ZPBP: variants seen among roughly 807,000 people sequenced by gnomAD.
The protein encoded by ZPBP is zona pellucida binding protein.
ZPBP carries 26 observed loss-of-function variants against 44.8 expected under a neutral mutation model. That is an observed-to-expected ratio of 0.58 (90% CI 0.43 to 0.81). ZPBP has a LOEUF of 0.81. Ranked by LOEUF, ZPBP falls within the 30% of genes least tolerant of loss-of-function variation. The pLI, the probability that ZPBP is intolerant of heterozygous loss-of-function variation, is 0.00. For synonymous variants in ZPBP, 174 were observed against 153.2 expected, an observed-to-expected ratio of 1.14 and a Z score of -1.00; for missense variants, 409 against 434.0, an observed-to-expected ratio of 0.94 and a Z score of 0.51.
intron 4 of ZPBP, among the ~76,000 whole-genome samples, chr7:50,054,552 A>G (rs917982497): frequency 4.6e-5 from 7 of 152,082 alleles, no homozygotes; most frequent in African/African-American, 1.7e-4. Context: ...AAAACCGATA[A>G]CAATTCTTGA....
intron 4 of ZPBP, among the ~76,000 whole-genome samples, chr7:50,057,073 T>C (rs1215959042): frequency 5.3e-5 from 8 of 151,396 alleles, no homozygotes; most frequent in Admixed American, 2.6e-4. Flanking sequence ...TAGTCCCAGC[T>C]AGTCGGGAAG....
intron 2 of ZPBP, among the ~76,000 whole-genome samples, chr7:49,888,890 G>T (rs969652618): frequency 3.9e-5 from 6 of 151,906 alleles, no homozygotes; most frequent in African/African-American, 1.5e-4. Flanking sequence ...TAGCCTGGGG[G>T]ACAAGAGCGA....
chr7:49,980,273 ATAAT>A (rs1254099079), intron 7 of ZPBP, among the ~76,000 whole-genome samples: 3 of 95,492 alleles, frequency 3.1e-5, no homozygotes, highest in African/African-American at 1.1e-4. Context: ...ATATAAATAT[ATAAT>A]ATATATAATA....
At chr7:50,067,033 T>C (rs184320982) in intron 3 of ZPBP, among the ~76,000 whole-genome samples, 7 of 152,332 alleles carry the variant, frequency 4.6e-5, no homozygotes, top group East Asian at 1.9e-4. Context: ...GCCTATCTTA[T>C]ATGGGTCCTA....
chr7:50,034,482 C>T (rs931355344), intron 4 of ZPBP, among the ~76,000 whole-genome samples: 2 of 152,188 alleles, frequency 1.3e-5, no homozygotes, highest in African/African-American at 4.8e-5. Context: ...CCCATCCCAA[C>T]TGAAATGTTT....
At chr7:49,919,068 A>AT (rs1177863735) in intron 1 of ZPBP, 2 of 151,308 alleles carry the variant, frequency 1.3e-5, no homozygotes, top group Non-Finnish European at 2.9e-5. Context: ...AAAAAAAAAA[A>AT]ATCAGTGATG....
intron 4 of ZPBP, among the ~76,000 whole-genome samples, 176 bp downstream of exon 4, chr7:50,057,813 A>G (rs1801038540): frequency 6.6e-6 from 1 of 152,198 alleles, no homozygotes; most frequent in Non-Finnish European, 1.5e-5. Context: ...TCTGTTAACC[A>G]TTCTGTGCCC....
In ZPBP at chr7:49,981,630, T is replaced by TATA. The variant is rs1350451565; in HGVS notation, c.961+1711_961+1712insTAT. 6.4e-3 allele frequency among the ~76,000 whole-genome samples: 292 copies of TATA among 45,828 alleles called. 48 individuals carry two copies. Among genetic ancestry groups the TATA allele is most frequent in the African/African-American group, 0.015 (98 of 6,716 alleles). 30.1% of individuals were successfully genotyped at this position (45,828 alleles called of 152,430 possible). On this transcript the variant is annotated intron_variant, in intron 7 of 7. Coordinates refer to ENST00000046087, the MANE Select transcript of ZPBP (RefSeq NM_007009.3). Reference sequence around the variant, plus strand: ...TATATAATTATATTATATTATATTATATTATATATTATATAATATCTTGAT... The same window carrying TATA: ...TATATAATTATATTATATTATATTATATAATTATATATTATATAATATCTTGAT...
chr7:50,033,332 A>G (rs1267004693), intron 4 of ZPBP, among the ~76,000 whole-genome samples: 1 of 152,142 alleles, frequency 6.6e-6, no homozygotes, highest in Non-Finnish European at 1.5e-5. Flanking sequence ...GCGATGTCAC[A>G]TTTTCAGGTA....
chr7:49,913,669 T>C (rs1284589915), intron 1 of ZPBP: 3 of 152,206 alleles, frequency 2.0e-5, no homozygotes, highest in South Asian at 2.1e-4. Flanking sequence ...ATAAGAAGTA[T>C]ATGAAATCAT....
chr7:50,019,381 T>TA (rs1363423910), intron 5 of ZPBP, among the ~76,000 whole-genome samples: 1 of 152,132 alleles, frequency 6.6e-6, no homozygotes, highest in Non-Finnish European at 1.5e-5. Flanking sequence ...TGGGCCTCCT[T>TA]AAGTGTTCAT....
chr7:49,886,628 G>A (rs1791913537), intron 2 of ZPBP, among the ~76,000 whole-genome samples: 1 of 152,022 alleles, frequency 6.6e-6, no homozygotes, highest in South Asian at 2.1e-4. Context: ...TTAGGTTCAG[G>A]GGTACATGGG....
chr7:49,953,832 T>C (rs1162389351), intron 7 of ZPBP, among the ~76,000 whole-genome samples: 1 of 152,130 alleles, frequency 6.6e-6, no homozygotes, highest in African/African-American at 2.4e-5. Context: ...TAAATAGACA[T>C]TCTGTATTCA....
chr7:49,858,407 G>C (rs1287825015), intron 2 of ZPBP, among the ~76,000 whole-genome samples: 2 of 152,068 alleles, frequency 1.3e-5, no homozygotes, highest in African/African-American at 4.8e-5. Context: ...CCTTTGTAGG[G>C]ACATGGATGA....
chr7:50,045,752 C>G (rs1215712576), intron 4 of ZPBP, among the ~76,000 whole-genome samples: 1 of 152,152 alleles, frequency 6.6e-6, no homozygotes, highest in Non-Finnish European at 1.5e-5. Flanking sequence ...ATGCTATCCC[C>G]ATCAAGCTAC....
At chr7:50,077,005 A>C (rs554700109) in intron 3 of ZPBP, among the ~76,000 whole-genome samples, 1 of 152,096 alleles carries the variant, frequency 6.6e-6, no homozygotes, top group African/African-American at 2.4e-5. Context: ...ATTATACTAT[A>C]GAGCTATACT....
Position 50,040,756 on chromosome 7 carries a change from C to A in ZPBP, c.488-9446G>T, listed in dbSNP as rs116987565. ...ATTTGGGCAGACACCGAGTGAGCTG[C>A]AGGAGTTTATTTTTCACACCCCATT... is the stretch of plus-strand genomic sequence containing the variant. On this transcript the variant is annotated intron_variant, in intron 4 of 7. Transcript: ENST00000046087. Among the ~76,000 whole-genome samples, 11 of 152,274 alleles carry A rather than the reference C, an allele frequency of 7.2e-5. No individual in the cohort carries two copies. In the East Asian group the frequency reaches 1.9e-3, roughly 27 times the overall value.
chr7:49,845,969 C>T (rs979720491), downstream of ZPBP, among the ~76,000 whole-genome samples: 2 of 152,200 alleles, frequency 1.3e-5, no homozygotes, highest in African/African-American at 4.8e-5. Flanking sequence ...ATATTTTGTT[C>T]TAAATGCTTC....
rs377106359 is a variant in ZPBP at position 49,863,936 on chromosome 7, C to T, written n.510-13422G>A. On this transcript the variant is annotated intron_variant and non_coding_transcript_variant, in intron 2 of 2. Transcript: ENST00000465922. ...TAGCATAGTTTTTTCTGTAAGTTTT[C>T]GTATGTTGTTTTAAAATATTTTTTC... is the stretch of plus-strand genomic sequence containing the variant. 1.6e-3 allele frequency among the ~76,000 whole-genome samples: 238 copies of T among 152,066 alleles called. 3 individuals carry two copies. Among genetic ancestry groups the T allele is most frequent in the African/African-American group, 5.5e-3 (227 of 41,506 alleles).
Sources: gnomAD v4.1 joint callset for allele counts (sites outside exome capture counted in the v4.1 genomes callset) on GRCh38, gnomAD v4.1.1 for gene constraint, MANE v1.5 for transcripts, NCBI Gene and HGNC (gene_info 2026-07-23, HGNC 2026-07-21) for gene names.